The following CDC42SE2 variants were observed in gnomAD, a reference collection of about 807,000 sequenced individuals.
CDC42SE2 encodes CDC42 small effector protein 2.
In CDC42SE2, 3 loss-of-function variants were observed where a neutral mutation model predicts 11.5. That is an observed-to-expected ratio of 0.26 (90% CI 0.12 to 0.67). CDC42SE2 has a LOEUF of 0.67. Among genes scored for constraint, CDC42SE2 ranks in the 30% least tolerant of loss-of-function variants. The pLI is 0.80. For synonymous variants in CDC42SE2, 33 were observed against 34.8 expected, an observed-to-expected ratio of 0.95 and a Z score of 0.18; for missense variants, 82 against 106.8, an observed-to-expected ratio of 0.77 and a Z score of 1.02.
At chr5:131,216,518 A>AAAAAAAAAAC in the CDC42SE2 span, among the ~76,000 whole-genome samples, 3 of 146,100 alleles carry the variant, frequency 2.1e-5, no homozygotes, top group African/African-American at 8.2e-5. Context: ...AAAAAAAAAA[A>AAAAAAAAAAC]AAAACATTAT....
intron 3 of CDC42SE2, among the ~76,000 whole-genome samples, chr5:131,381,746 A>G (rs1750333756): frequency 6.6e-6 from 1 of 152,190 alleles, no homozygotes; most frequent in Non-Finnish European, 1.5e-5. Flanking sequence ...CTCTTCTAAC[A>G]TGTTTTCCAC....
intron 2 of CDC42SE2, among the ~76,000 whole-genome samples, chr5:131,317,019 C>T (rs1465683639): frequency 1.3e-5 from 2 of 152,102 alleles, no homozygotes; most frequent in African/African-American, 2.4e-5. Flanking sequence ...TCTAATACTT[C>T]TTAATGATGT....
chr5:131,357,843 A>C (rs1339310641), intron 2 of CDC42SE2, among the ~76,000 whole-genome samples: 2 of 152,104 alleles, frequency 1.3e-5, no homozygotes. Context: ...GTCTACCCAC[A>C]CTACTTTACT....
intron 2 of CDC42SE2, among the ~76,000 whole-genome samples, chr5:131,343,565 A>T (rs756222578): frequency 3.3e-5 from 5 of 152,108 alleles, no homozygotes; most frequent in Non-Finnish European, 5.9e-5. Flanking sequence ...ATACAAAATT[A>T]GCCAGGTGTG....
intron 1 of CDC42SE2, among the ~76,000 whole-genome samples, chr5:131,303,874 C>T (rs867324579): frequency 2.0e-5 from 3 of 151,918 alleles, no homozygotes; most frequent in Non-Finnish European, 2.9e-5. Context: ...GTCTTCATAG[C>T]AATATGATGG....
chr5:131,220,107 T>C, the CDC42SE2 span, among the ~76,000 whole-genome samples: 1 of 152,196 alleles, frequency 6.6e-6, no homozygotes, highest in Non-Finnish European at 1.5e-5. Flanking sequence ...TACATGTAGG[T>C]TGTCAGCGCA....
At chr5:131,220,553 G>A in the CDC42SE2 span, among the ~76,000 whole-genome samples, 3 of 152,152 alleles carry the variant, frequency 2.0e-5, no homozygotes, top group African/African-American at 7.2e-5. Flanking sequence ...TTCATCTGCA[G>A]CATCATAGTT....
At position 131,394,402 on chromosome 5, in the gene CDC42SE2, G is replaced by A. The variant is rs989389607; in HGVS notation, c.*3311G>A. On this transcript the variant is annotated 3_prime_UTR_variant, in exon 5 of 5. Transcript: ENST00000505065. ...TAGCATTTCCAGTGCAGCATTATCA[G>A]TGGGCCTTTAAAAATACTTCGTAAG... 19 of 152,348 alleles carry A rather than the reference G, an allele frequency of 1.2e-4. No homozygotes were observed. The highest frequency in any genetic ancestry group is 1.0e-3 in the Admixed American group (16 of 15,278). 9.4% of individuals were successfully genotyped at this position (152,348 alleles called of 1,614,324 possible). A position where few individuals can be genotyped will look rare whatever the true frequency, so the allele number is the denominator to read the frequency against.
chr5:131,230,677 T>C, the CDC42SE2 span, among the ~76,000 whole-genome samples: 7 of 152,172 alleles, frequency 4.6e-5, no homozygotes, highest in Non-Finnish European at 1.5e-5. Flanking sequence ...CCTCCAGTGA[T>C]AGAGAAGAGA....
At chr5:131,259,053 G>A (rs562998183), upstream of CDC42SE2, among the ~76,000 whole-genome samples, 618 of 152,254 alleles carry the variant, frequency 4.1e-3, 5 homozygotes, top group African/African-American at 0.014. Flanking sequence ...CACTGTCCAT[G>A]ATTATTCTGA....
intron 1 of CDC42SE2, among the ~76,000 whole-genome samples, chr5:131,267,044 C>T (rs1464397529): frequency 1.7e-5 from 2 of 118,800 alleles, no homozygotes; most frequent in Non-Finnish European, 3.3e-5. Flanking sequence ...TCCAAGAAAT[C>T]AGAACTCATA....
At chr5:131,370,176 C>T (rs1749976203) in intron 3 of CDC42SE2, among the ~76,000 whole-genome samples, 1 of 152,084 alleles carries the variant, frequency 6.6e-6, no homozygotes, top group Non-Finnish European at 1.5e-5. Flanking sequence ...GTAGTCAGAG[C>T]ATGGAGCTCT....
At chr5:131,325,784 A>T (rs1366352903) in intron 2 of CDC42SE2, among the ~76,000 whole-genome samples, 1 of 152,170 alleles carries the variant, frequency 6.6e-6, no homozygotes, top group Non-Finnish European at 1.5e-5. Context: ...CCTCCCTACT[A>T]TTCCATATAT....
upstream of CDC42SE2, among the ~76,000 whole-genome samples, chr5:131,243,431 A>T (rs1756555721): frequency 1.3e-5 from 2 of 152,034 alleles, no homozygotes; most frequent in Non-Finnish European, 2.9e-5. Flanking sequence ...CTAAAAATAC[A>T]AAAAATTAGC....
chr5:131,321,304 A>T (rs1025118548), intron 2 of CDC42SE2, among the ~76,000 whole-genome samples: 1 of 152,246 alleles, frequency 6.6e-6, no homozygotes, highest in African/African-American at 2.4e-5. Flanking sequence ...TCTGTGAAAG[A>T]TGACCTATAT....
chr5:131,220,858 G>A, the CDC42SE2 span, among the ~76,000 whole-genome samples: 1 of 149,458 alleles, frequency 6.7e-6, no homozygotes, highest in Non-Finnish European at 1.5e-5. Flanking sequence ...AAACCAAAAC[G>A]TCTATAGGAG....
At chr5:131,339,062 A>G (rs1025520131) in intron 2 of CDC42SE2, among the ~76,000 whole-genome samples, 1 of 151,948 alleles carries the variant, frequency 6.6e-6, no homozygotes, top group Non-Finnish European at 1.5e-5. Context: ...ACTGGCCAAC[A>G]TGGTGAAACC....
At chr5:131,231,298 T>C in the CDC42SE2 span, among the ~76,000 whole-genome samples, 5 of 152,234 alleles carry the variant, frequency 3.3e-5, no homozygotes, top group Non-Finnish European at 7.3e-5. Context: ...TTTGAATCTG[T>C]TTCTGGAATT....
chr5:131,282,374 A>G (rs1757254030), intron 1 of CDC42SE2, among the ~76,000 whole-genome samples: 1 of 152,326 alleles, frequency 6.6e-6, no homozygotes, highest in East Asian at 1.9e-4. Flanking sequence ...AGTTTCTCTT[A>G]TCAGATTTAA....
Sources: gnomAD v4.1 joint callset for allele counts (sites outside exome capture counted in the v4.1 genomes callset) on GRCh38, gnomAD v4.1.1 for gene constraint, MANE v1.5 for transcripts, NCBI Gene and HGNC (gene_info 2026-07-23, HGNC 2026-07-21) for gene names.